MEGF11: variants seen among roughly 807,000 people sequenced by gnomAD.
The protein encoded by MEGF11 is multiple epidermal growth factor-like domains protein 11.
In MEGF11, 126 loss-of-function variants were observed where a neutral mutation model predicts 146.6. The observed-to-expected ratio is 0.86, with a 90% CI of 0.74 to 1.00. The LOEUF is 1.00. Among genes scored for constraint, MEGF11 ranks in the 50% least tolerant of loss-of-function variants. The probability of loss-of-function intolerance (pLI) is 0.00; values close to 1 mark genes in which losing one functional copy is unlikely to be tolerated. For synonymous variants in MEGF11, 532 were observed against 583.4 expected (o/e 0.91, Z 1.27); for missense variants, 1,509 against 1,521.2 (o/e 0.99, Z 0.13).
chr15:65,955,783 T>TAG lies in MEGF11; in HGVS notation c.1287+1763_1287+1764insCT, dbSNP rs1179094197. Among the ~76,000 whole-genome samples, 77 of 8,912 alleles carry TAG rather than the reference T, an allele frequency of 8.6e-3. 2 individuals carry two copies. Among genetic ancestry groups the TAG allele is most frequent in the Middle Eastern group, 0.071 (1 of 14 alleles). The allele number at this position is 8,912 out of a possible 152,430, so 5.8% of individuals were successfully genotyped here. A position where few individuals can be genotyped will look rare whatever the true frequency, so the allele number is the denominator to read the frequency against. The stretch of plus-strand genomic sequence containing the variant: ...AAAAATATATATATATATATATATA[T>TAG]ATATATATATACACACACACACACA... On this transcript the variant is annotated intron_variant, in intron 10 of 25. Coordinates refer to ENST00000395614, the MANE Select transcript of MEGF11 (RefSeq NM_001385028.1).
intron 5 of MEGF11, among the ~76,000 whole-genome samples, chr15:66,019,294 G>T (rs1019654485): frequency 6.6e-6 from 1 of 152,168 alleles, no homozygotes; most frequent in African/African-American, 2.4e-5. Context: ...GCTGCTGAAC[G>T]AAGTCTAATT....
At chr15:66,173,306 A>C (rs1048094660) in intron 1 of MEGF11, among the ~76,000 whole-genome samples, 4 of 152,076 alleles carry the variant, frequency 2.6e-5, no homozygotes, top group African/African-American at 9.7e-5. Flanking sequence ...GACAGAAGGC[A>C]ATTTTTTTTT....
At chr15:66,068,145 C>T (rs1410108864) in intron 5 of MEGF11, among the ~76,000 whole-genome samples, 1 of 152,202 alleles carries the variant, frequency 6.6e-6, no homozygotes, top group Non-Finnish European at 1.5e-5. Flanking sequence ...CATATTAACT[C>T]TTATTATCAT....
intron 15 of MEGF11, 110 bp from the exon 16 acceptor site, chr15:65,918,204 G>C (rs1468207653): frequency 2.7e-6 from 4 of 1,488,340 alleles, no homozygotes; most frequent in South Asian, 1.2e-5. Flanking sequence ...TCACCCAGGG[G>C]TCATGGATCT....
intron 1 of MEGF11, among the ~76,000 whole-genome samples, chr15:66,242,233 C>T: frequency 6.6e-6 from 1 of 151,210 alleles, no homozygotes; most frequent in East Asian, 2.0e-4. Flanking sequence ...ACAGGGAGAC[C>T]CCATCTCTAC....
chr15:65,924,448 CAG>C (rs749189819), intron 13 of MEGF11, among the ~76,000 whole-genome samples: 71 of 151,766 alleles, frequency 4.7e-4, no homozygotes, highest in Non-Finnish European at 9.1e-4. Flanking sequence ...TACCCATTGA[CAG>C]GGGTCTCTCC....
At chr15:65,947,839 C>T (rs1486851504) in intron 10 of MEGF11, among the ~76,000 whole-genome samples, 1 of 152,170 alleles carries the variant, frequency 6.6e-6, no homozygotes, top group Non-Finnish European at 1.5e-5. Context: ...TTGCTGCGGC[C>T]ACTAGGCCTG....
At chr15:65,922,153 C>A in intron 15 of MEGF11, 185 bp downstream of exon 15, 1 of 640,110 alleles carries the variant, frequency 1.6e-6, no homozygotes, top group Non-Finnish European at 2.7e-6. Context: ...AGGCTGTTAA[C>A]TGTGTTAGGG....
chr15:66,045,018 G>A (rs1173896720), intron 5 of MEGF11, among the ~76,000 whole-genome samples: 2 of 152,124 alleles, frequency 1.3e-5, no homozygotes, highest in African/African-American at 2.4e-5. Context: ...CTCAAACAGT[G>A]CAAGATGAAA....
intron 5 of MEGF11, among the ~76,000 whole-genome samples, chr15:66,047,934 C>T (rs1012715380): frequency 1.4e-5 from 2 of 143,800 alleles, no homozygotes; most frequent in African/African-American, 5.1e-5. Flanking sequence ...TTGTTATCTC[C>T]ATGGGCCCTG....
At chr15:66,015,757 ACCTGC>A (rs1207061429) in intron 5 of MEGF11, among the ~76,000 whole-genome samples, 1 of 152,188 alleles carries the variant, frequency 6.6e-6, no homozygotes, top group African/African-American at 2.4e-5. Flanking sequence ...GACAGCGTAC[ACCTGC>A]CCTGGGAAGG....
At chr15:66,181,750 T>C (rs2090555271) in intron 1 of MEGF11, among the ~76,000 whole-genome samples, 1 of 152,228 alleles carries the variant, frequency 6.6e-6, no homozygotes, top group Non-Finnish European at 1.5e-5. Context: ...ATTAAATTTT[T>C]ATTTAGTGCC....
intron 10 of MEGF11, 36 bp from the exon 11 acceptor site, chr15:65,930,979 TG>T (rs909739124): frequency 2.6e-6 from 4 of 1,523,340 alleles, no homozygotes; most frequent in Non-Finnish European, 1.8e-6. Context: ...GATCAAAGGT[TG>T]CTCCATGTTG....
At position 66,233,230 on chromosome 15, in the gene MEGF11, C is replaced by G. The variant is rs530149311; in HGVS notation, c.-9+20375G>C. ...ATTCTCACAACGCTACAAGAAAATC[C>G]TATTATTATTATTTTGTTTGTTTGA... On this transcript the variant is annotated intron_variant, in intron 1 of 25. Coordinates refer to ENST00000395614, the MANE Select transcript of MEGF11 (RefSeq NM_001385028.1). 2.6e-5 allele frequency among the ~76,000 whole-genome samples: 4 copies of G among 152,218 alleles called. No individual in the cohort carries two copies. The South Asian group carries it at 6.2e-4, about 24-fold the overall frequency.
At chr15:66,098,276 A>G (rs554434671) in intron 4 of MEGF11, among the ~76,000 whole-genome samples, 6 of 152,226 alleles carry the variant, frequency 3.9e-5, no homozygotes, top group Admixed American at 2.0e-4. Context: ...AGCTGCTCAG[A>G]TAACACTGGC....
At chr15:65,968,824 G>A (rs567719514) in intron 8 of MEGF11, among the ~76,000 whole-genome samples, 9 of 152,082 alleles carry the variant, frequency 5.9e-5, no homozygotes, top group Non-Finnish European at 8.8e-5. Context: ...GTTACATTTC[G>A]TGTTTAATTT....
intron 10 of MEGF11, among the ~76,000 whole-genome samples, chr15:65,950,059 C>A (rs1223055680): frequency 6.6e-6 from 1 of 152,156 alleles, no homozygotes; most frequent in African/African-American, 2.4e-5. Flanking sequence ...CCTCTACCCC[C>A]AAACAGGGCA....
intron 20 of MEGF11, among the ~76,000 whole-genome samples, chr15:65,913,321 C>T (rs1185762267): frequency 2.6e-5 from 4 of 152,138 alleles, no homozygotes; most frequent in African/African-American, 7.2e-5. Context: ...TGTCCTGAGG[C>T]GTTCACCAGG....
chr15:66,101,747 A>G (rs936379088), intron 4 of MEGF11, among the ~76,000 whole-genome samples: 2 of 152,200 alleles, frequency 1.3e-5, no homozygotes, highest in Non-Finnish European at 2.9e-5. Flanking sequence ...AGCCATGCCC[A>G]TCTGGCTGAA....
Sources: allele counts gnomAD v4.1 joint callset (sites outside exome capture counted in the v4.1 genomes callset), GRCh38; gene constraint gnomAD v4.1.1; transcripts MANE v1.5; gene names NCBI Gene and HGNC (gene_info 2026-07-23, HGNC 2026-07-21).